LRRC8B: variants seen among roughly 807,000 people sequenced by gnomAD.
LRRC8B encodes the protein leucine rich repeat containing 8 VRAC subunit B, also known as volume-regulated anion channel subunit LRRC8B.
Under a neutral mutation model 58.8 loss-of-function variants are expected in LRRC8B, and 23 were observed. The observed-to-expected ratio is 0.39, with a 90% CI of 0.28 to 0.55. LRRC8B has a LOEUF of 0.55. Ranked by LOEUF, LRRC8B falls within the 20% of genes least tolerant of loss-of-function variation. The pLI, the probability that LRRC8B is intolerant of heterozygous loss-of-function variation, is 0.62. For synonymous variants in LRRC8B, 359 were observed against 374.1 expected, an observed-to-expected ratio of 0.96 and a Z score of 0.47; for missense variants, 694 against 936.0, an observed-to-expected ratio of 0.74 and a Z score of 3.37.
intron 1 of LRRC8B, among the ~76,000 whole-genome samples, chr1:89,539,284 C>G (rs1308335964): frequency 1.3e-5 from 2 of 152,226 alleles, no homozygotes; most frequent in South Asian, 2.1e-4. Flanking sequence ...TTGGGTATTT[C>G]TAGCCTACTT....
intron 1 of LRRC8B, among the ~76,000 whole-genome samples, chr1:89,547,073 A>G (rs973059106): frequency 5.3e-5 from 8 of 152,310 alleles, no homozygotes; most frequent in South Asian, 2.1e-4. Context: ...GTTGTTATCT[A>G]TGCTCTTAAG....
intron 3 of LRRC8B, among the ~76,000 whole-genome samples, chr1:89,577,785 A>G (rs1653956117): frequency 1.3e-5 from 2 of 151,962 alleles, no homozygotes; most frequent in Admixed American, 1.3e-4. Context: ...GTAACGGAAG[A>G]CATTACAGAA....
intron 1 of LRRC8B, among the ~76,000 whole-genome samples, chr1:89,550,875 C>G (rs1319179302): frequency 6.6e-6 from 1 of 152,158 alleles, no homozygotes; most frequent in Non-Finnish European, 1.5e-5. Flanking sequence ...TTTCCCCCGG[C>G]CCCCGATCCT....
intron 1 of LRRC8B, among the ~76,000 whole-genome samples, chr1:89,544,285 AGTC>A (rs1487990863): frequency 1.3e-5 from 2 of 152,166 alleles, no homozygotes; most frequent in African/African-American, 4.8e-5. Flanking sequence ...CACATGGTAA[AGTC>A]GTAGTAAAAA....
At chr1:89,579,744 T>A (rs1269874358) in intron 4 of LRRC8B, 56 bp downstream of exon 4, 1 of 152,662 alleles carries the variant, frequency 6.6e-6, no homozygotes. Context: ...GTATTTTTAT[T>A]GAATAAATAT....
intron 5 of LRRC8B, among the ~76,000 whole-genome samples, chr1:89,585,710 G>A (rs1251017845): frequency 1.3e-5 from 2 of 152,106 alleles, no homozygotes; most frequent in East Asian, 3.9e-4. Flanking sequence ...TCAGGAGCCT[G>A]AGGCAGGAGA....
intron 3 of LRRC8B, among the ~76,000 whole-genome samples, chr1:89,570,087 T>TA (rs1241653883): frequency 7.9e-5 from 12 of 152,336 alleles, no homozygotes; most frequent in African/African-American, 2.9e-4. Context: ...TTCCATGGTG[T>TA]ATATGTACCA....
intron 1 of LRRC8B, among the ~76,000 whole-genome samples, chr1:89,556,993 C>T (rs1221114187): frequency 6.6e-6 from 1 of 152,184 alleles, no homozygotes; most frequent in Non-Finnish European, 1.5e-5. Context: ...GTGTGCACTC[C>T]ATTGGCACAG....
intron 4 of LRRC8B, among the ~76,000 whole-genome samples, chr1:89,580,305 A>G (rs1372225362): frequency 1.3e-5 from 2 of 152,182 alleles, no homozygotes; most frequent in East Asian, 1.9e-4. Context: ...ATTGGGTTTC[A>G]GTATTGTGAT....
Position 89,584,655 on chromosome 1 carries a change from G to T in LRRC8B, c.2005G>T (p.Glu669Ter). The change falls in exon 5 of 6, where the codon GAG becomes TAG. Residue 669 changes from glutamate to a stop codon, truncating the protein, a stop_gained. Transcript: ENST00000330947. LOFTEE classifies it high-confidence loss of function. ...EQLSLDHNNIENLPLQLFLCT... is the reference protein window; with the variant it reads ...EQLSLDHNNI ...GCTCTCTTTGGACCATAATAATATT[G>T]AGAATCTGCCCTTGCAGCTTTTCCT... 1 of 1,613,966 alleles carries T rather than the reference G, an allele frequency of 6.2e-7. No individual in the cohort carries two copies. The highest frequency in any genetic ancestry group is 8.5e-7 in the Non-Finnish European group (1 of 1,180,012).
chr1:89,535,041 A>G (rs1650428864), intron 1 of LRRC8B, among the ~76,000 whole-genome samples: 2 of 152,060 alleles, frequency 1.3e-5, no homozygotes, highest in Admixed American at 6.6e-5. Context: ...CTGAGAAATA[A>G]GATGTTTGCC....
At chr1:89,573,397 A>G (rs911777135) in intron 3 of LRRC8B, among the ~76,000 whole-genome samples, 1 of 150,596 alleles carries the variant, frequency 6.6e-6, no homozygotes, top group African/African-American at 2.4e-5. Flanking sequence ...TATTTAATTT[A>G]TTACTTACTA....
chr1:89,539,811 A>T (rs1054708676), intron 1 of LRRC8B, among the ~76,000 whole-genome samples: 12 of 152,222 alleles, frequency 7.9e-5, no homozygotes, highest in East Asian at 5.8e-4. Flanking sequence ...GATTTTTTTT[A>T]AATTAAATAA....
chr1:89,544,045 C>G (rs1393815802), intron 1 of LRRC8B, among the ~76,000 whole-genome samples: 6 of 152,208 alleles, frequency 3.9e-5, no homozygotes, highest in Admixed American at 3.9e-4. Context: ...ATTCTCCCTC[C>G]TTGGCCTCCC....
intron 1 of LRRC8B, among the ~76,000 whole-genome samples, chr1:89,553,415 A>C (rs2045583): frequency 0.51 from 77,893 of 151,914 alleles, 20,238 homozygotes; most frequent in South Asian, 0.58. Flanking sequence ...TTGATGTTTG[A>C]TCTCAGCATG....
intron 1 of LRRC8B, among the ~76,000 whole-genome samples, chr1:89,565,491 C>T (rs1652979563): frequency 6.6e-6 from 1 of 152,048 alleles, no homozygotes; most frequent in African/African-American, 2.4e-5. Flanking sequence ...CTCCTTTCTC[C>T]CTGAAGGATG....
chr1:89,533,099 T>C (rs1650261089), intron 1 of LRRC8B, among the ~76,000 whole-genome samples: 1 of 152,256 alleles, frequency 6.6e-6, no homozygotes, highest in South Asian at 2.1e-4. Context: ...TTCTAACTGA[T>C]AATGATTTTG....
intron 1 of LRRC8B, among the ~76,000 whole-genome samples, chr1:89,555,456 T>C (rs1286943923): frequency 2.6e-5 from 4 of 152,206 alleles, no homozygotes; most frequent in Admixed American, 6.5e-5. Context: ...GAGGTCTAAT[T>C]AAAACTCTTG....
chr1:89,582,936 G>A lies in LRRC8B; in HGVS notation c.286G>A (p.Asp96Asn). ...PLPLPLRIQN[D>N]LHRQQYSYID... ...TCCGCTCCCCCTCCGAATTCAGAAT[G>A]ACCTCCACCGACAGCAGTACTCCTA... Residue 96 changes from aspartate to asparagine, a missense_variant, in exon 5 of 6, where the codon GAC becomes AAC. Physicochemically the swap from Asp to Asn is conservative, Grantham distance 23. Around this residue, in one of 5 missense-constraint regions of LRRC8B, gnomAD observed 316 missense variants for 403.8 expected, o/e 0.78. Transcript: ENST00000330947. 4 of 1,614,106 alleles carry A rather than the reference G, an allele frequency of 2.5e-6. No homozygotes were observed. The highest frequency in any genetic ancestry group is 1.3e-5 in the African/African-American group (1 of 75,026).
Sources: allele counts gnomAD v4.1 joint callset (sites outside exome capture counted in the v4.1 genomes callset), GRCh38; gene constraint gnomAD v4.1.1; regional missense constraint gnomAD v4.1.1; transcripts MANE v1.5; gene names NCBI Gene and HGNC (gene_info 2026-07-23, HGNC 2026-07-21).